Variants in MAGEB17 observed in about 807,000 individuals in gnomAD.
The protein encoded by MAGEB17 is MAGE family member B17.
For missense variants in MAGEB17, 251 were observed against 281.4 expected (o/e 0.89, Z 0.77); for synonymous variants, 110 against 112.4 (o/e 0.98, Z 0.13).
intron 1 of MAGEB17, among the ~76,000 whole-genome samples, chrX:16,168,340 T>A (rs1405629598): frequency 1.1e-5 from 1 of 90,487 alleles, no homozygotes; most frequent in African/African-American, 4.2e-5. Flanking sequence ...CCCGTGTCTG[T>A]CACAAAGAAA....
At chrX:16,169,480 C>T (rs1259842371) in intron 1 of MAGEB17, among the ~76,000 whole-genome samples, 3 of 112,170 alleles carry the variant, frequency 2.7e-5, no homozygotes, top group African/African-American at 9.7e-5. Context: ...CTGAGGTGAC[C>T]GTCACTACTT....
In MAGEB17 at chrX:16,167,527, T is replaced by G. The variant is rs1042971377; in HGVS notation, c.-306T>G. The G allele has an allele frequency of 8.9e-6, 1 of 111,751 alleles. No individual in the cohort carries two copies. Among genetic ancestry groups the G allele is most frequent in the East Asian group, 2.8e-4 (1 of 3,561 alleles). The allele number at this position is 111,751 out of a possible 1,213,427, so 9.2% of individuals were successfully genotyped here. A position where few individuals can be genotyped will look rare whatever the true frequency, so the allele number is the denominator to read the frequency against. ...ACTCTGTCTAAAGGCAAAAGCACAGTTCAGCTGAGGGAGGAGAACTGGACA... is the reference window on the plus strand; with the variant it reads ...ACTCTGTCTAAAGGCAAAAGCACAGGTCAGCTGAGGGAGGAGAACTGGACA... On this transcript the variant is annotated 5_prime_UTR_variant, in exon 1 of 2. Transcript: ENST00000400004.
chrX:16,171,252 G>A lies in MAGEB17; in HGVS notation c.870G>A (p.Val290=). Residue 290 remains valine (V), a synonymous_variant, in exon 2 of 2, where the codon GTG becomes GTA. Coordinates refer to ENST00000400004, the MANE Select transcript of MAGEB17 (RefSeq NM_001277307.2). ...ETSKMKVLEF[V]AKLNDTVAST... ...GCAAAATGAAAGTCCTGGAGTTTGT[G>A]GCCAAGCTCAATGATACCGTTGCCA... is the stretch of plus-strand genomic sequence containing the variant. The A allele has an allele frequency of 8.3e-7, 1 of 1,209,991 alleles. No homozygotes were observed. The highest frequency in any genetic ancestry group is 2.2e-5 in the Admixed American group (1 of 45,966).
Position 16,170,340 on chromosome X carries a change from A to AC in MAGEB17, c.-41dup, listed in dbSNP as rs991342004. 225 of 1,124,451 alleles carry AC rather than the reference A, an allele frequency of 2.0e-4. No homozygotes were observed. The highest frequency in any genetic ancestry group is 2.5e-4 in the Non-Finnish European group (215 of 852,800). The allele number at this position is 1,124,451 out of a possible 1,213,427, so 92.7% of individuals were successfully genotyped here. ...TCTGTTCCTCCTGCTCCAGGTGCCC[A>AC]CCTCCTGCACCCTCTTGCCTGCTGC... is the stretch of plus-strand genomic sequence containing the variant. On this transcript the variant is annotated 5_prime_UTR_variant, in exon 2 of 2. Coordinates refer to ENST00000400004, the MANE Select transcript of MAGEB17 (RefSeq NM_001277307.2).
intron 1 of MAGEB17, among the ~76,000 whole-genome samples, chrX:16,169,281 T>C (rs755797022): frequency 2.7e-5 from 3 of 111,736 alleles, no homozygotes; most frequent in African/African-American, 9.8e-5. Flanking sequence ...TCCCAGGGCA[T>C]CTCAGGGAGG....
At chrX:16,168,451 G>C (rs1922988000) in intron 1 of MAGEB17, among the ~76,000 whole-genome samples, 1 of 112,425 alleles carries the variant, frequency 8.9e-6, no homozygotes, top group African/African-American at 3.2e-5. Context: ...GGCATAGCCA[G>C]ACGGGGCATG....
At chrX:16,169,734 GGC>G (rs1923016530) in intron 1 of MAGEB17, among the ~76,000 whole-genome samples, 1 of 111,181 alleles carries the variant, frequency 9.0e-6, no homozygotes, top group Admixed American at 9.5e-5. Context: ...GAGTGGACAG[GGC>G]CTGGGGCTGA....
Position 16,170,845 on chromosome X carries a change from A to G in MAGEB17, c.463A>G (p.Thr155Ala), listed in dbSNP as rs189918699. The change falls in exon 2 of 2, where the codon ACT (threonine) becomes GCT (alanine). Residue 155 changes from threonine (T) to alanine (A), a missense_variant. Physicochemically the swap from Thr to Ala is moderately conservative, Grantham distance 58. Coordinates refer to ENST00000400004, the MANE Select transcript of MAGEB17 (RefSeq NM_001277307.2). ...QHFPEILRRS[T>A]ENVEVVFGLY... ...CTTCCCTGAGATCCTCCGGAGAAGC[A>G]CTGAGAACGTAGAGGTGGTCTTTGG... is the stretch of plus-strand genomic sequence containing the variant. 1.5e-5 allele frequency: 17 copies of G among 1,166,157 alleles called. No individual in the cohort carries two copies. In the Admixed American group the frequency reaches 4.1e-4, roughly 28 times the overall value.
Position 16,171,188 on chromosome X carries a change from A to G in MAGEB17, c.806A>G (p.Tyr269Cys), listed in dbSNP as rs1000823851. 1.7e-6 allele frequency: 2 copies of G among 1,208,944 alleles called. No homozygotes were observed. Among genetic ancestry groups the G allele is most frequent in the African/African-American group, 1.7e-5 (1 of 57,179 alleles). The change falls in exon 2 of 2, where the codon TAC becomes TGC. Residue 269 changes from tyrosine to cysteine, a missense_variant. Physicochemically the swap from Tyr to Cys is radical, Grantham distance 194 (BLOSUM62 -2). Coordinates refer to ENST00000400004, the MANE Select transcript of MAGEB17 (RefSeq NM_001277307.2). ...QQVPSSDPPR[Y>C]EFLWGPRARA... ...GTGCCCAGCAGCGATCCTCCACGCT[A>G]CGAGTTCCTGTGGGGTCCCAGGGCC...
chrX:16,171,334 G>A lies in MAGEB17; in HGVS notation c.952G>A (p.Ala318Thr), dbSNP rs752289850. 21 of 1,165,905 alleles carry A rather than the reference G, an allele frequency of 1.8e-5. No homozygotes were observed. Among genetic ancestry groups the A allele is most frequent in the Non-Finnish European group, 5.7e-6 (5 of 873,913 alleles). The change falls in exon 2 of 2, where the codon GCC becomes ACC. Residue 318 changes from alanine to threonine, a missense_variant. By Grantham distance (58) the Ala-to-Thr change is moderately conservative (BLOSUM62 0). Coordinates refer to ENST00000400004, the MANE Select transcript of MAGEB17 (RefSeq NM_001277307.2). ...ALREEEEQARARAVARDSARA... is the reference protein window; with the variant it reads ...ALREEEEQARTRAVARDSARA... The stretch of plus-strand genomic sequence containing the variant: ...GAGAGAGGAGGAAGAGCAAGCCAGA[G>A]CCAGAGCGGTAGCCAGGGATAGCGC...
chrX:16,171,259 C>T lies in MAGEB17; in HGVS notation c.877C>T (p.Leu293Phe), dbSNP rs971708220. 1 of 1,207,475 alleles carries T rather than the reference C, an allele frequency of 8.3e-7. No homozygotes were observed. Among genetic ancestry groups the T allele is most frequent in the African/African-American group, 1.8e-5 (1 of 57,032 alleles). Reference sequence around the variant, plus strand: ...GAAAGTCCTGGAGTTTGTGGCCAAGCTCAATGATACCGTTGCCAGTACCTA... The same window carrying T: ...GAAAGTCCTGGAGTTTGTGGCCAAGTTCAATGATACCGTTGCCAGTACCTA... ...KMKVLEFVAK[L>F]NDTVASTYKS... Residue 293 changes from leucine to phenylalanine, a missense_variant, in exon 2 of 2, where the codon CTC becomes TTC. By Grantham distance (22) the Leu-to-Phe change is conservative. Coordinates refer to ENST00000400004, the MANE Select transcript of MAGEB17 (RefSeq NM_001277307.2).
In MAGEB17 at chrX:16,170,600, C is replaced by G; in HGVS notation, c.218C>G (p.Ser73Ter). 1 of 1,167,143 alleles carries G rather than the reference C, an allele frequency of 8.6e-7. No individual in the cohort carries two copies. Among genetic ancestry groups the G allele is most frequent in the South Asian group, 1.9e-5 (1 of 52,720 alleles). Reference protein sequence around the residue: ...QRASYPSSPASAVSLTSSDEG... With the variant: ...QRASYPSSPA Reference sequence around the variant, plus strand: ...GCCAGCTACCCCAGCTCTCCTGCTTCAGCTGTTTCACTCACAAGTTCTGAT... The same window carrying G: ...GCCAGCTACCCCAGCTCTCCTGCTTGAGCTGTTTCACTCACAAGTTCTGAT... The change falls in exon 2 of 2, where the codon TCA becomes TGA. Residue 73 changes from serine (S) to a stop codon, truncating the protein, a stop_gained. Transcript: ENST00000400004. LOFTEE classifies it low-confidence loss of function (END_TRUNC).
intron 1 of MAGEB17, 62 bp from the exon 2 acceptor site, chrX:16,170,272 G>T: frequency 9.2e-7 from 1 of 1,088,020 alleles, no homozygotes; most frequent in East Asian, 3.3e-5. Flanking sequence ...CCTGCATGGA[G>T]GCCTCCTTAA....
Position 16,170,939 on chromosome X carries a change from A to G in MAGEB17, c.557A>G (p.Asn186Ser). Residue 186 changes from asparagine (N) to serine (S), a missense_variant, in exon 2 of 2, where the codon AAT (asparagine) becomes AGT (serine). Asn to Ser is a conservative substitution (Grantham distance 46). Transcript: ENST00000400004. Reference sequence around the variant, plus strand: ...CTTGTTGGCAAGCTGGACTTTCCCAATCAAGGAAGCTTGAGCGATGGCGGG... The same window carrying G: ...CTTGTTGGCAAGCTGGACTTTCCCAGTCAAGGAAGCTTGAGCGATGGCGGG... ...YVLVGKLDFP[N>S]QGSLSDGGGF... The G allele has an allele frequency of 8.6e-7, 1 of 1,167,346 alleles. No individual in the cohort carries two copies. The highest frequency in any genetic ancestry group is 1.1e-6 in the Non-Finnish European group (1 of 873,139).
At chrX:16,170,165 AAGG>A (rs1255332661) in intron 1 of MAGEB17, among the ~76,000 whole-genome samples, 166 bp from the exon 2 acceptor site, 1 of 112,302 alleles carries the variant, frequency 8.9e-6, no homozygotes, top group Non-Finnish European at 1.9e-5. Flanking sequence ...GCTGCAGGGC[AAGG>A]AGCACTGTAA....
chrX:16,168,278 C>T (rs866543755), intron 1 of MAGEB17, among the ~76,000 whole-genome samples: 25 of 109,224 alleles, frequency 2.3e-4, no homozygotes, highest in Middle Eastern at 4.7e-3. Flanking sequence ...CCCAGCAGGT[C>T]GAAGCTGCAG....
chrX:16,170,409 C>T lies in MAGEB17; in HGVS notation c.27C>T (p.Arg9=), dbSNP rs753394771. The T allele has an allele frequency of 4.4e-5, 51 of 1,164,059 alleles. No homozygotes were observed. In the East Asian group the frequency reaches 1.7e-3, roughly 38 times the overall value. ...TGCCTCGCGGTCAGGCGAGTAAGCGCCGTGCCCGTGAGAAACGCCGCCAGG... is the reference window on the plus strand; with the variant it reads ...TGCCTCGCGGTCAGGCGAGTAAGCGTCGTGCCCGTGAGAAACGCCGCCAGG... MPRGQASK[R]RAREKRRQAR... The change falls in exon 2 of 2, where the codon CGC becomes CGT. Residue 9 remains arginine, a synonymous_variant. Transcript: ENST00000400004.
At chrX:16,167,974 C>T (rs769361066) in intron 1 of MAGEB17, among the ~76,000 whole-genome samples, 191 bp downstream of exon 1, 1 of 111,420 alleles carries the variant, frequency 9.0e-6, no homozygotes, top group African/African-American at 3.3e-5. Context: ...TTCGATTCTG[C>T]AGAGGGATGG....
rs1314922275 is a variant in MAGEB17 at position 16,170,680 on chromosome X, TC to T, written c.300del (p.Ser101LeufsTer9). 12 of 1,166,547 alleles carry T rather than the reference TC, an allele frequency of 1.0e-5. No individual in the cohort carries two copies. The highest frequency in any genetic ancestry group is 1.3e-5 in the Non-Finnish European group (11 of 872,914). Reference protein sequence around the residue: ...ESPNSFHGPSSSESTGRDLLN... With the variant: ...ESPNSFHGPSXSESTGRDLLN... ...TCCCAACTCCTTCCATGGCCCGTCC[TC>T]CTCTGAGAGCACAGGAAGAGATCTT... is the stretch of plus-strand genomic sequence containing the variant. On this transcript the variant is annotated frameshift_variant, in exon 2 of 2. Transcript: ENST00000400004. LOFTEE classifies it low-confidence loss of function (END_TRUNC).
Sources: allele counts gnomAD v4.1 joint callset (sites outside exome capture counted in the v4.1 genomes callset), GRCh38; gene constraint gnomAD v4.1.1; transcripts MANE v1.5; gene names NCBI Gene and HGNC (gene_info 2026-07-23, HGNC 2026-07-21).